ASTN1: variants seen among roughly 807,000 people sequenced by gnomAD.
The protein encoded by ASTN1 is astrotactin-1.
Under a neutral mutation model 140.7 loss-of-function variants are expected in ASTN1, and 41 were observed. The ratio of observed to expected loss-of-function variants is 0.29; its 90% CI spans 0.23 to 0.38. The LOEUF (loss-of-function observed/expected upper bound fraction) is 0.38, where lower values mean the gene tolerates loss of function less well. Among genes scored for constraint, ASTN1 ranks in the 10% least tolerant of loss-of-function variants. ASTN1 has a pLI of 1.00. For synonymous variants in ASTN1, 640 were observed against 652.2 expected, an observed-to-expected ratio of 0.98 and a Z score of 0.29; for missense variants, 1,479 against 1,678.8, an observed-to-expected ratio of 0.88 and a Z score of 2.08.
At chr1:177,149,356 G>A (rs1354374938) in intron 1 of ASTN1, among the ~76,000 whole-genome samples, 3 of 67,344 alleles carry the variant, frequency 4.5e-5, no homozygotes, top group African/African-American at 8.2e-5. Flanking sequence ...TATATATATA[G>A]TAAATATATA....
In ASTN1 at chr1:177,032,771, G is replaced by A. The variant is rs767625006; in HGVS notation, c.550C>T (p.Arg184Cys). The change falls in exon 3 of 23, where the codon CGC becomes TGC. Residue 184 changes from arginine to cysteine, a missense_variant. Transcript: ENST00000361833. ...CTCTTCTGGGGCTGCGGGACCCGGC[G>A]GCGTTTGCACCAGCGCCGGCGAGTA... ...LYTRRRWCKR[R>C]RVPQPQKSAS... 1.2e-5 allele frequency: 20 copies of A among 1,613,214 alleles called. No homozygotes were observed. The highest frequency in any genetic ancestry group is 1.7e-5 in the Non-Finnish European group (20 of 1,180,024).
Position 177,158,903 on chromosome 1 carries a change from CA to C in ASTN1, c.283+5490del, listed in dbSNP as rs1331417526. 8.8e-3 allele frequency among the ~76,000 whole-genome samples: 980 copies of C among 111,778 alleles called. 9 individuals are homozygous for C. Among genetic ancestry groups the C allele is most frequent in the East Asian group, 0.053 (216 of 4,052 alleles). 73.3% of individuals were successfully genotyped at this position (111,778 alleles called of 152,430 possible). Reference sequence around the variant, plus strand: ...TGAAACCCTGCCTTTAATAAAAATACAAAAAAAAAAAAAAATAGCCGGGCAT... The same window carrying C: ...TGAAACCCTGCCTTTAATAAAAATACAAAAAAAAAAAAAATAGCCGGGCAT... On this transcript the variant is annotated intron_variant, in intron 1 of 22. Transcript: ENST00000361833.
chr1:176,864,643 A>G (rs1668072414), intron 22 of ASTN1, 122 bp from the exon 23 acceptor site: 1 of 1,409,178 alleles, frequency 7.1e-7, no homozygotes, highest in Non-Finnish European at 9.4e-7. Context: ...TTTGCTCCCT[A>G]TTTTATCTTT....
rs143377268 is a variant in ASTN1 at position 177,061,240 on chromosome 1, G to T, written c.309C>A (p.Ile103=). ...ACTGCTGCCTCCAGCGCACCAAAGG[G>T]ATATCCTCTGTGTTCCCTGAGATCT... ...VLEISGNTED[I]PLVRWRQQWL... The change falls in exon 2 of 23, where the codon ATC becomes ATA. Residue 103 remains isoleucine (I), a synonymous_variant. Transcript: ENST00000361833. 20 of 1,582,388 alleles carry T rather than the reference G, an allele frequency of 1.3e-5. No homozygotes were observed. The highest frequency in any genetic ancestry group is 1.6e-5 in the Non-Finnish European group (19 of 1,163,774).
chr1:177,064,152 C>T (rs886741857), intron 1 of ASTN1, among the ~76,000 whole-genome samples: 1 of 152,140 alleles, frequency 6.6e-6, no homozygotes, highest in Non-Finnish European at 1.5e-5. Flanking sequence ...GTCCCCTCCA[C>T]CCCACAACAC....
intron 16 of ASTN1, among the ~76,000 whole-genome samples, chr1:176,899,243 C>T (rs924893640): frequency 2.0e-5 from 3 of 152,154 alleles, no homozygotes; most frequent in Admixed American, 1.3e-4. Context: ...GAGAATATCG[C>T]GTCCTTAAAG....
intron 1 of ASTN1, among the ~76,000 whole-genome samples, chr1:177,074,044 T>C (rs1400464249): frequency 1.4e-5 from 2 of 143,390 alleles, no homozygotes; most frequent in East Asian, 3.9e-4. Flanking sequence ...CTTGTTCCCC[T>C]TTTTTAGCCA....
chr1:177,074,139 A>G (rs1311462187), intron 1 of ASTN1, among the ~76,000 whole-genome samples: 1 of 152,054 alleles, frequency 6.6e-6, no homozygotes, highest in Non-Finnish European at 1.5e-5. Flanking sequence ...TATGACAAAG[A>G]TCCTTTTATT....
intron 7 of ASTN1, among the ~76,000 whole-genome samples, chr1:177,019,095 ACAGGTTTGAATAATGGT>A (rs67453034): frequency 0.35 from 53,025 of 152,066 alleles, 10,030 homozygotes; most frequent in Non-Finnish European, 0.43. Flanking sequence ...AGCAGTGGGG[ACAGGTTTGAATAATGGT>A]CAGGAGTGTG....
chr1:176,986,059 G>A (rs566511138), intron 8 of ASTN1, among the ~76,000 whole-genome samples: 4 of 152,250 alleles, frequency 2.6e-5, no homozygotes, highest in South Asian at 4.1e-4. Context: ...CTCTGAAGCT[G>A]CTTCTCCAGC....
At chr1:176,979,154 T>C (rs1673494990) in intron 8 of ASTN1, among the ~76,000 whole-genome samples, 1 of 152,170 alleles carries the variant, frequency 6.6e-6, no homozygotes, top group Admixed American at 6.5e-5. Flanking sequence ...CCCTGGGCTA[T>C]AGGGGGATCA....
chr1:176,944,126 G>A, intron 13 of ASTN1, 108 bp from the exon 14 acceptor site: 1 of 1,413,072 alleles, frequency 7.1e-7, no homozygotes, highest in South Asian at 1.2e-5. Flanking sequence ...TGCCCAGGCT[G>A]GAGTGCAATG....
intron 16 of ASTN1, among the ~76,000 whole-genome samples, chr1:176,912,246 T>C (rs1294625952): frequency 6.6e-6 from 1 of 152,170 alleles, no homozygotes; most frequent in African/African-American, 2.4e-5. Flanking sequence ...GGAAATATTT[T>C]TGGCCATGCA....
chr1:177,144,043 C>T (rs764265615), intron 1 of ASTN1, among the ~76,000 whole-genome samples: 27 of 151,964 alleles, frequency 1.8e-4, no homozygotes, highest in Non-Finnish European at 4.0e-4. Context: ...CTTTTCTTTG[C>T]CTTTAGGGTT....
intron 21 of ASTN1, among the ~76,000 whole-genome samples, chr1:176,871,019 T>C (rs1305456086): frequency 1.3e-5 from 2 of 152,190 alleles, no homozygotes; most frequent in Non-Finnish European, 2.9e-5. Flanking sequence ...CTGAAAACTA[T>C]GACTATCTGC....
chr1:176,938,088 T>C (rs1195031214), intron 14 of ASTN1, among the ~76,000 whole-genome samples: 1 of 152,220 alleles, frequency 6.6e-6, no homozygotes, highest in Non-Finnish European at 1.5e-5. Context: ...TACCTGAAAC[T>C]AAGAGAAGGT....
intron 20 of ASTN1, among the ~76,000 whole-genome samples, chr1:176,877,247 C>T (rs572260968): frequency 6.6e-6 from 1 of 152,330 alleles, no homozygotes; most frequent in African/African-American, 2.4e-5. Context: ...TGGTTCATGA[C>T]ATTGCATATA....
chr1:176,904,310 C>T (rs931729493), intron 16 of ASTN1, among the ~76,000 whole-genome samples: 1 of 137,868 alleles, frequency 7.3e-6, no homozygotes, highest in Admixed American at 6.9e-5. Flanking sequence ...CCGGCTCCAT[C>T]GGCGTCCTGC....
At position 176,894,629 on chromosome 1, in the gene ASTN1, G is replaced by A. The variant is rs942613491; in HGVS notation, c.2873C>T (p.Pro958Leu). Residue 958 changes from proline to leucine, a missense_variant, in exon 17 of 23, where the codon CCG (proline) becomes CTG (leucine). Pro to Leu is a moderately conservative substitution (Grantham distance 98). Transcript: ENST00000361833. Reference protein sequence around the residue: ...VTSSPDTPAEPVLLEVTKAAP... With the variant: ...VTSSPDTPAELVLLEVTKAAP... The stretch of plus-strand genomic sequence containing the variant: ...TGCTTTGGTCACCTCCAGCAGAACC[G>A]GCTCAGCAGGGGTGTCAGGGCTGGA... 18 of 1,614,074 alleles carry A rather than the reference G, an allele frequency of 1.1e-5. No individual in the cohort carries two copies. The highest frequency in any genetic ancestry group is 2.2e-5 in the East Asian group (1 of 44,842).
Sources: gnomAD v4.1 joint callset for allele counts (sites outside exome capture counted in the v4.1 genomes callset) on GRCh38, gnomAD v4.1.1 for gene constraint, MANE v1.5 for transcripts, NCBI Gene and HGNC (gene_info 2026-07-23, HGNC 2026-07-21) for gene names.